RWDD1: variants seen among roughly 807,000 people sequenced by gnomAD.
The protein encoded by RWDD1 is RWD domain containing 1.
RWDD1 carries 17 observed loss-of-function variants against 31.6 expected under a neutral mutation model. The ratio of observed to expected loss-of-function variants is 0.54; its 90% CI spans 0.37 to 0.81. The LOEUF (loss-of-function observed/expected upper bound fraction) is 0.81. Ranked by LOEUF, RWDD1 falls within the 30% of genes least tolerant of loss-of-function variation. The probability of loss-of-function intolerance (pLI) is 0.00; values close to 1 mark genes in which losing one functional copy is unlikely to be tolerated. For synonymous variants in RWDD1, 78 were observed against 94.2 expected, an observed-to-expected ratio of 0.83 and a Z score of 0.99; for missense variants, 204 against 274.5, an observed-to-expected ratio of 0.74 and a Z score of 1.82.
chr6:116,581,321 C>G (rs1774943979), intron 2 of RWDD1, among the ~76,000 whole-genome samples: 1 of 151,864 alleles, frequency 6.6e-6, no homozygotes, highest in African/African-American at 2.4e-5. Context: ...TCATATGATG[C>G]CATTATGGGT....
chr6:116,578,122 C>G (rs1240421219), intron 1 of RWDD1, among the ~76,000 whole-genome samples: 2 of 152,208 alleles, frequency 1.3e-5, no homozygotes, highest in African/African-American at 4.8e-5. Flanking sequence ...TGTTCAGTTA[C>G]TACCTGATAA....
chr6:116,577,744 G>A (rs181204056), intron 1 of RWDD1, among the ~76,000 whole-genome samples: 174 of 151,976 alleles, frequency 1.1e-3, no homozygotes, highest in Non-Finnish European at 2.0e-3. Context: ...GCCTGTAGTC[G>A]TCTCCCTCCT....
chr6:116,584,941 T>C, intron 3 of RWDD1, 84 bp downstream of exon 3: 2 of 1,123,548 alleles, frequency 1.8e-6, no homozygotes, highest in Admixed American at 2.1e-5. Context: ...TAGAAAATGC[T>C]ATTGTGTAAA....
intron 1 of RWDD1, among the ~76,000 whole-genome samples, chr6:116,578,263 T>C (rs1774885478): frequency 6.6e-6 from 1 of 152,240 alleles, no homozygotes; most frequent in African/African-American, 2.4e-5. Flanking sequence ...ACTTTTCTTA[T>C]AATCAGTTAC....
At chr6:116,592,862 C>T in intron 6 of RWDD1, 118 bp from the exon 7 acceptor site, 1 of 1,138,154 alleles carries the variant, frequency 8.8e-7, no homozygotes, top group Non-Finnish European at 1.2e-6. Context: ...GATTTCATCA[C>T]TCCTACCTCA....
intron 2 of RWDD1, among the ~76,000 whole-genome samples, chr6:116,581,666 A>G (rs1774949095): frequency 6.6e-6 from 1 of 152,094 alleles, no homozygotes; most frequent in South Asian, 2.1e-4. Flanking sequence ...TCTCACAGGT[A>G]ATTAAAAATG....
chr6:116,571,520 T>C lies in RWDD1; in HGVS notation c.-63T>C. On this transcript the variant is annotated 5_prime_UTR_variant, in exon 1 of 7. Coordinates refer to ENST00000466444, the MANE Select transcript of RWDD1 (RefSeq NM_015952.4). ...CCGCCCGCTCTCCCGGCGCGGCAGCTGTCTGGGCTGCTGCGCGCCGCCTAG... is the reference window on the plus strand; with the variant it reads ...CCGCCCGCTCTCCCGGCGCGGCAGCCGTCTGGGCTGCTGCGCGCCGCCTAG... The C allele has an allele frequency of 6.5e-7, 1 of 1,536,314 alleles. No homozygotes were observed. The highest frequency in any genetic ancestry group is 1.2e-5 in the South Asian group (1 of 84,666).
Position 116,597,385 on chromosome 6 carries a change from TC to T in RWDD1, c.*4286del, listed in dbSNP as rs1173380136. 6.6e-6 allele frequency: 1 copy of T among 152,204 alleles called. No homozygotes were observed. Among genetic ancestry groups the T allele is most frequent in the Non-Finnish European group, 1.5e-5 (1 of 68,034 alleles). The allele number at this position is 152,204 out of a possible 1,614,324, so 9.4% of individuals were successfully genotyped here. A position where few individuals can be genotyped will look rare whatever the true frequency, so the allele number is the denominator to read the frequency against. On this transcript the variant is annotated 3_prime_UTR_variant, in exon 7 of 7. Coordinates refer to ENST00000466444, the MANE Select transcript of RWDD1 (RefSeq NM_015952.4). ...ATATTTACTTATCATAAAAAATACT[TC>T]CTAGACCTTCCTCTTATAGCTATTG...
chr6:116,587,914 G>A (rs987511436), intron 3 of RWDD1, among the ~76,000 whole-genome samples: 1 of 152,054 alleles, frequency 6.6e-6, no homozygotes, highest in African/African-American at 2.4e-5. Context: ...GTTCAGGCTG[G>A]GTGGGTGGTG....
At chr6:116,592,647 G>C (rs1008055248) in intron 6 of RWDD1, among the ~76,000 whole-genome samples, 10 of 152,144 alleles carry the variant, frequency 6.6e-5, no homozygotes, top group Non-Finnish European at 2.9e-5. Context: ...CCTCATACAG[G>C]TCCCATGATC....
chr6:116,587,285 G>A (rs1775059936), intron 3 of RWDD1, among the ~76,000 whole-genome samples: 1 of 152,146 alleles, frequency 6.6e-6, no homozygotes, highest in African/African-American at 2.4e-5. Flanking sequence ...GGTTGACATA[G>A]ACAAAGTTCT....
intron 2 of RWDD1, among the ~76,000 whole-genome samples, chr6:116,583,826 G>A (rs1401671217): frequency 6.6e-6 from 1 of 152,094 alleles, no homozygotes; most frequent in East Asian, 1.9e-4. Flanking sequence ...GCAATTTTTG[G>A]TTCATAAAAT....
chr6:116,589,242 A>G (rs1775096591), intron 4 of RWDD1, among the ~76,000 whole-genome samples: 1 of 152,196 alleles, frequency 6.6e-6, no homozygotes, highest in Non-Finnish European at 1.5e-5. Flanking sequence ...GATTTCACCT[A>G]TGATATAGAG....
Position 116,584,824 on chromosome 6 carries a change from T to A in RWDD1, c.237T>A (p.Asp79Glu), listed in dbSNP as rs1304543398. 1 of 1,594,196 alleles carries A rather than the reference T, an allele frequency of 6.3e-7. No homozygotes were observed. Among genetic ancestry groups the A allele is most frequent in the Non-Finnish European group, 8.6e-7 (1 of 1,162,126 alleles). Residue 79 changes from aspartate (D) to glutamate (E), a missense_variant, in exon 3 of 7, where the codon GAT (aspartate) becomes GAA (glutamate). Transcript: ENST00000466444. ...IFSQENLEDNDVSDILKLLAL... is the reference protein window; with the variant it reads ...IFSQENLEDNEVSDILKLLAL... Reference sequence around the variant, plus strand: ...CCCAGGAAAATCTAGAAGATAATGATGTCTCAGACATTTTAAAATTACTAG... The same window carrying A: ...CCCAGGAAAATCTAGAAGATAATGAAGTCTCAGACATTTTAAAATTACTAG...
Position 116,571,608 on chromosome 6 carries a change from G to T in RWDD1, c.26G>T (p.Arg9Leu), listed in dbSNP as rs371456042. The T allele has an allele frequency of 8.4e-5, 136 of 1,613,674 alleles. No individual in the cohort carries two copies. In the African/African-American group the frequency reaches 1.6e-3, roughly 19 times the overall value. MTDYGEEQRNELEALESIY... is the reference protein window; with the variant it reads MTDYGEEQLNELEALESIY... ...ATGACAGATTACGGCGAGGAGCAGC[G>T]CAACGAGCTGGAGGCCCTGGAGTCC... The change falls in exon 1 of 7, where the codon CGC becomes CTC. Residue 9 changes from arginine to leucine, a missense_variant. Physicochemically the swap from Arg to Leu is moderately radical, Grantham distance 102. Transcript: ENST00000466444.
At chr6:116,592,820 A>C (rs951804402) in intron 6 of RWDD1, among the ~76,000 whole-genome samples, 160 bp from the exon 7 acceptor site, 12 of 152,294 alleles carry the variant, frequency 7.9e-5, no homozygotes, top group Non-Finnish European at 1.6e-4. Context: ...TCTACTGACC[A>C]ATGCAAATCA....
intron 4 of RWDD1, among the ~76,000 whole-genome samples, chr6:116,589,574 G>C (rs1444189929): frequency 6.6e-6 from 1 of 152,148 alleles, no homozygotes; most frequent in East Asian, 1.9e-4. Context: ...CAATGATTTA[G>C]TATTAGAAAT....
At chr6:116,578,279 G>A (rs1483825130) in intron 1 of RWDD1, among the ~76,000 whole-genome samples, 1 of 151,964 alleles carries the variant, frequency 6.6e-6, no homozygotes, top group African/African-American at 2.4e-5. Context: ...GTTACATGTC[G>A]GTTTAGTTGG....
At chr6:116,580,666 G>A (rs535233667) in intron 2 of RWDD1, among the ~76,000 whole-genome samples, 4 of 152,152 alleles carry the variant, frequency 2.6e-5, no homozygotes, top group African/African-American at 7.2e-5. Flanking sequence ...AATACTTCAC[G>A]TGCAAACATA....
Sources: allele counts gnomAD v4.1 joint callset (sites outside exome capture counted in the v4.1 genomes callset), GRCh38; gene constraint gnomAD v4.1.1; transcripts MANE v1.5; gene names NCBI Gene and HGNC (gene_info 2026-07-23, HGNC 2026-07-21).